The following ERBIN variants were observed in gnomAD, a reference collection of about 807,000 sequenced individuals.
ERBIN encodes the protein erbb2 interacting protein.
A neutral mutation model predicts 158.4 loss-of-function variants in ERBIN; 60 were observed. The ratio of observed to expected loss-of-function variants is 0.38; its 90% confidence interval spans 0.31 to 0.47. The LOEUF (loss-of-function observed/expected upper bound fraction) is 0.47, where lower values mean the gene tolerates loss of function less well. ERBIN is among the 20% of genes least tolerant of loss of function. The pLI is 0.99. For synonymous variants in ERBIN, 594 were observed against 557.2 expected, an observed-to-expected ratio of 1.07 and a Z score of -0.93; for missense variants, 1,610 against 1,648.0, an observed-to-expected ratio of 0.98 and a Z score of 0.40.
intron 21 of ERBIN, among the ~76,000 whole-genome samples, chr5:66,062,993 C>T (rs1580514122): frequency 6.6e-6 from 1 of 152,328 alleles, no homozygotes; most frequent in African/African-American, 2.4e-5. Flanking sequence ...GGTCAGGGAC[C>T]CACTTGAGGA....
intron 1 of ERBIN, among the ~76,000 whole-genome samples, chr5:65,986,569 AAC>A: frequency 6.6e-6 from 1 of 152,362 alleles, no homozygotes; most frequent in South Asian, 2.1e-4. Flanking sequence ...GAAATTCTGA[AAC>A]ACATAAATGG....
At chr5:65,942,432 T>A (rs1745167375) in intron 1 of ERBIN, among the ~76,000 whole-genome samples, 1 of 152,234 alleles carries the variant, frequency 6.6e-6, no homozygotes, top group Admixed American at 6.5e-5. Context: ...GTGAGGAAAT[T>A]CTGAGTTGAT....
chr5:65,985,493 C>T (rs764036024), intron 1 of ERBIN, among the ~76,000 whole-genome samples: 9 of 152,190 alleles, frequency 5.9e-5, no homozygotes, highest in Non-Finnish European at 7.3e-5. Context: ...TCAAAAATAA[C>T]GAGTGAATAT....
intron 1 of ERBIN, among the ~76,000 whole-genome samples, chr5:65,969,149 A>C (rs185693115): frequency 1.1e-4 from 17 of 152,348 alleles, no homozygotes; most frequent in Non-Finnish European, 1.5e-5. Flanking sequence ...AAAAATGCTA[A>C]TGTGAGAACA....
chr5:66,024,075 G>A (rs959016949), intron 9 of ERBIN, among the ~76,000 whole-genome samples: 1 of 152,094 alleles, frequency 6.6e-6, no homozygotes, highest in Middle Eastern at 3.2e-3. Flanking sequence ...ATGGATACCT[G>A]AATTCCCAAA....
chr5:66,003,909 A>G (rs1471939187), intron 4 of ERBIN, among the ~76,000 whole-genome samples: 3 of 145,986 alleles, frequency 2.1e-5, no homozygotes, highest in Non-Finnish European at 4.5e-5. Flanking sequence ...TTCATTTCAC[A>G]TTGGAGCAGC....
At chr5:65,968,261 C>T (rs763903795) in intron 1 of ERBIN, among the ~76,000 whole-genome samples, 4 of 152,072 alleles carry the variant, frequency 2.6e-5, no homozygotes, top group Non-Finnish European at 5.9e-5. Flanking sequence ...ATGGGGAGAC[C>T]ATTATACATT....
chr5:65,927,501 TA>T (rs1418784249), intron 1 of ERBIN, among the ~76,000 whole-genome samples: 2 of 152,224 alleles, frequency 1.3e-5, no homozygotes, highest in East Asian at 3.9e-4. Flanking sequence ...ACTGATCCAT[TA>T]CGAAGAAAAA....
chr5:66,019,385 A>G (rs1755450815), intron 7 of ERBIN, among the ~76,000 whole-genome samples: 1 of 152,260 alleles, frequency 6.6e-6, no homozygotes, highest in Non-Finnish European at 1.5e-5. Flanking sequence ...TGGAGGGCAC[A>G]GTACTAAGAA....
intron 14 of ERBIN, among the ~76,000 whole-genome samples, chr5:66,036,684 T>C (rs1420311370): frequency 2.0e-5 from 3 of 152,216 alleles, no homozygotes; most frequent in Non-Finnish European, 2.9e-5. Context: ...CATGCTTTGC[T>C]CACCACTCTG....
At chr5:65,959,069 A>G (rs1747626309) in intron 1 of ERBIN, among the ~76,000 whole-genome samples, 1 of 152,230 alleles carries the variant, frequency 6.6e-6, no homozygotes, top group Non-Finnish European at 1.5e-5. Context: ...TATACACATT[A>G]ACTTTATTTA....
intron 1 of ERBIN, among the ~76,000 whole-genome samples, chr5:65,969,294 A>G (rs1748997283): frequency 6.6e-6 from 1 of 152,244 alleles, no homozygotes; most frequent in Non-Finnish European, 1.5e-5. Flanking sequence ...TATCTTCAAT[A>G]GAAAGGAAAA....
chr5:65,961,837 A>G (rs1162100639), intron 1 of ERBIN, among the ~76,000 whole-genome samples: 2 of 152,106 alleles, frequency 1.3e-5, no homozygotes, highest in Non-Finnish European at 2.9e-5. Flanking sequence ...CAAGTGGTCA[A>G]TTTGACTCAC....
At chr5:66,073,173 A>G (rs1761683250) in intron 22 of ERBIN, among the ~76,000 whole-genome samples, 1 of 152,202 alleles carries the variant, frequency 6.6e-6, no homozygotes, top group Non-Finnish European at 1.5e-5. Flanking sequence ...TGTAGGCAAG[A>G]CCAAATATTT....
rs1387770732 is a variant in ERBIN, at chr5:66,022,278, G to A, written c.597+893G>A. ...ATTTGTTCTGTATGAATCCGTTTCC[G>A]TATTAACTATTTCAAAAATCTCGTT... On this transcript the variant is annotated intron_variant, in intron 8 of 25. Transcript: ENST00000284037. Among the ~76,000 whole-genome samples the A allele has an allele frequency of 3.9e-5, 6 of 151,976 alleles. No individual in the cohort carries two copies. The South Asian group carries it at 6.2e-4, about 16-fold the overall frequency.
chr5:66,077,302 C>T (rs1426100479), intron 25 of ERBIN, among the ~76,000 whole-genome samples: 5 of 152,140 alleles, frequency 3.3e-5, no homozygotes, highest in East Asian at 1.9e-4. Flanking sequence ...TTTAAATCTG[C>T]GAAACTCATT....
rs900834467 is a variant in ERBIN at position 66,048,707 on chromosome 5, C to T, written c.1829C>T (p.Ala610Val). Residue 610 changes from alanine (A) to valine (V), a missense_variant, in exon 19 of 26, where the codon GCG (alanine) becomes GTG (valine). By Grantham distance (64) the Ala-to-Val change is moderately conservative. Coordinates refer to ENST00000284037, the MANE Select transcript of ERBIN (RefSeq NM_001253697.2). Reference sequence around the variant, plus strand: ...TCTTCTGATGAAGAGATGAAAATGGCGGAGATGCGACCACCATTAATTGAA... The same window carrying T: ...TCTTCTGATGAAGAGATGAAAATGGTGGAGATGCGACCACCATTAATTGAA... ...ELSSDEEMKM[A>V]EMRPPLIETS... 4 of 1,608,340 alleles carry T rather than the reference C, an allele frequency of 2.5e-6. No individual in the cohort carries two copies. Among genetic ancestry groups the T allele is most frequent in the South Asian group, 2.2e-5 (2 of 89,732 alleles).
intron 4 of ERBIN, among the ~76,000 whole-genome samples, chr5:65,997,681 CTT>C (rs1202988740): frequency 6.6e-6 from 1 of 152,052 alleles, no homozygotes; most frequent in Non-Finnish European, 1.5e-5. Flanking sequence ...GGGGAAAAAA[CTT>C]TATAAACAAG....
chr5:66,019,702 A>G (rs1326050753), intron 7 of ERBIN, among the ~76,000 whole-genome samples: 1 of 152,136 alleles, frequency 6.6e-6, no homozygotes, highest in Non-Finnish European at 1.5e-5. Context: ...TTGTTTTAAA[A>G]TATAAATTTT....
Sources: gnomAD v4.1 joint callset for allele counts (sites outside exome capture counted in the v4.1 genomes callset) on GRCh38, gnomAD v4.1.1 for gene constraint, MANE v1.5 for transcripts, NCBI Gene and HGNC (gene_info 2026-07-23, HGNC 2026-07-21) for gene names.